The following ERI1 variants were observed in gnomAD, a reference collection of about 807,000 sequenced individuals.
ERI1 encodes the protein 3'-5' exoribonuclease 1.
Under a neutral mutation model 39.7 loss-of-function variants are expected in ERI1, and 39 were observed. The observed-to-expected ratio is 0.98, with a 90% CI of 0.76 to 1.28. The LOEUF is 1.28. ERI1 is among the 50% of genes most tolerant of loss of function. ERI1 has a pLI of 0.00. For synonymous variants in ERI1, 204 were observed against 149.6 expected (o/e 1.36, Z -2.65); for missense variants, 581 against 416.9 (o/e 1.39, Z -3.43).
intron 3 of ERI1, among the ~76,000 whole-genome samples, chr8:9,098,613 G>C (rs759692918): frequency 3.3e-5 from 5 of 151,924 alleles, no homozygotes; most frequent in Non-Finnish European, 7.4e-5. Flanking sequence ...CTACACCTTG[G>C]GTACAGTGTA....
intron 3 of ERI1, among the ~76,000 whole-genome samples, chr8:9,096,248 C>G (rs1276468407): frequency 6.6e-6 from 1 of 152,194 alleles, no homozygotes; most frequent in Non-Finnish European, 1.5e-5. Context: ...CCTTTCAAAA[C>G]AAAGCCAGGT....
At chr8:9,036,228 C>G (rs1035603306), downstream of ERI1, among the ~76,000 whole-genome samples, 3 of 152,198 alleles carry the variant, frequency 2.0e-5, no homozygotes, top group Non-Finnish European at 4.4e-5. Context: ...GAAAGAAGGT[C>G]TGTGGATAGA....
At chr8:9,024,506 C>T (rs950452535) in intron 6 of ERI1, among the ~76,000 whole-genome samples, 16 of 151,928 alleles carry the variant, frequency 1.1e-4, no homozygotes, top group Non-Finnish European at 2.2e-4. Flanking sequence ...CTGCAACCTG[C>T]GCCTCCTGGG....
At chr8:9,099,235 C>T (rs564573277) in intron 3 of ERI1, among the ~76,000 whole-genome samples, 171 of 152,256 alleles carry the variant, frequency 1.1e-3, no homozygotes, top group Middle Eastern at 3.4e-3. Flanking sequence ...GTGCTCTCTT[C>T]TTCCTTCTCC....
intron 3 of ERI1, among the ~76,000 whole-genome samples, chr8:9,080,544 C>T (rs1388295050): frequency 6.6e-6 from 1 of 152,236 alleles, no homozygotes; most frequent in African/African-American, 2.4e-5. Context: ...CCACACTGCA[C>T]ACCTTTGTGA....
chr8:9,094,082 A>T (rs563649352), intron 3 of ERI1, among the ~76,000 whole-genome samples: 1 of 152,344 alleles, frequency 6.6e-6, no homozygotes, highest in African/African-American at 2.4e-5. Context: ...TTTTTTAATA[A>T]TAACAAGTAT....
chr8:9,011,478 T>A, intron 2 of ERI1, 64 bp from the exon 3 acceptor site: 7 of 1,103,766 alleles, frequency 6.3e-6, no homozygotes, highest in Non-Finnish European at 9.0e-6. Context: ...TGCCAGCAGG[T>A]GAGAGTTTTG....
intron 3 of ERI1, among the ~76,000 whole-genome samples, chr8:9,057,689 G>C (rs561964393): frequency 7.9e-6 from 1 of 126,556 alleles, no homozygotes; most frequent in Non-Finnish European, 1.8e-5. Flanking sequence ...CCTTAAGTCT[G>C]TTGTCAAATA....
At chr8:9,038,653 G>T (rs2117339192) in intron 3 of ERI1, among the ~76,000 whole-genome samples, 1 of 152,224 alleles carries the variant, frequency 6.6e-6, no homozygotes, top group East Asian at 1.9e-4. Flanking sequence ...TCTACTTGGG[G>T]GGCTGACTTG....
chr8:9,083,124 C>T (rs1488629727), intron 3 of ERI1, among the ~76,000 whole-genome samples: 3 of 152,182 alleles, frequency 2.0e-5, no homozygotes, highest in Admixed American at 2.0e-4. Context: ...TAGAAAAGCC[C>T]AGCCAAACAG....
At chr8:9,087,401 C>G (rs1387778781) in intron 3 of ERI1, among the ~76,000 whole-genome samples, 1 of 147,912 alleles carries the variant, frequency 6.8e-6, no homozygotes, top group Non-Finnish European at 1.5e-5. Context: ...TGCATGTCAC[C>G]ATATGTGGCT....
chr8:9,088,943 G>A (rs1799619238), intron 3 of ERI1, among the ~76,000 whole-genome samples: 1 of 152,178 alleles, frequency 6.6e-6, no homozygotes, highest in Admixed American at 6.5e-5. Flanking sequence ...GGAGAGCAGC[G>A]TGACGTTAGT....
intron 3 of ERI1, among the ~76,000 whole-genome samples, chr8:9,092,166 A>G (rs1362714411): frequency 6.6e-6 from 1 of 152,186 alleles, no homozygotes; most frequent in African/African-American, 2.4e-5. Flanking sequence ...CATGTTGCCC[A>G]GGCTGGTCTC....
intron 3 of ERI1, among the ~76,000 whole-genome samples, chr8:9,072,779 C>A (rs374365147): frequency 2.0e-5 from 3 of 152,178 alleles, no homozygotes; most frequent in Non-Finnish European, 2.9e-5. Context: ...CCCCCCACCC[C>A]ACTCCCGACA....
chr8:9,034,663 A>T (rs1470545510), downstream of ERI1, among the ~76,000 whole-genome samples: 1 of 152,152 alleles, frequency 6.6e-6, no homozygotes, highest in African/African-American at 2.4e-5. Flanking sequence ...CTGAGACACA[A>T]TATTGAAATT....
chr8:9,073,409 C>A (rs146639819), intron 3 of ERI1, among the ~76,000 whole-genome samples: 154 of 152,224 alleles, frequency 1.0e-3, no homozygotes, highest in African/African-American at 3.5e-3. Context: ...AGAGAAGATA[C>A]AGTTGGGGGT....
At chr8:9,094,854 T>G (rs1799824948) in intron 3 of ERI1, among the ~76,000 whole-genome samples, 1 of 152,146 alleles carries the variant, frequency 6.6e-6, no homozygotes, top group South Asian at 2.1e-4. Context: ...ATTTTTCCTA[T>G]TTTTTAAAAA....
intron 3 of ERI1, among the ~76,000 whole-genome samples, chr8:9,039,271 A>G (rs141641303): frequency 2.0e-4 from 30 of 152,198 alleles, no homozygotes; most frequent in Non-Finnish European, 3.8e-4. Context: ...AGTGCTTTAA[A>G]TATATTTTTA....
chr8:9,020,216 G>T, intron 5 of ERI1, 134 bp from the exon 6 acceptor site: 2 of 496,224 alleles, frequency 4.0e-6, no homozygotes, highest in South Asian at 4.1e-5. Flanking sequence ...AGGAAGCAAG[G>T]TTAATTTTCT....
Sources: allele counts gnomAD v4.1 joint callset (sites outside exome capture counted in the v4.1 genomes callset), GRCh38; gene constraint gnomAD v4.1.1; transcripts MANE v1.5; gene names NCBI Gene and HGNC (gene_info 2026-07-23, HGNC 2026-07-21).